TIAM2: variants seen among roughly 807,000 people sequenced by gnomAD.
The protein encoded by TIAM2 is TIAM Rac1 associated GEF 2, also known as rho guanine nucleotide exchange factor TIAM2.
A neutral mutation model predicts 152.9 loss-of-function variants in TIAM2; 80 were observed. The observed-to-expected ratio is 0.52, with a 90% CI of 0.44 to 0.63. The LOEUF (loss-of-function observed/expected upper bound fraction) is 0.63. TIAM2 is among the 30% of genes least tolerant of loss of function. The pLI is 0.00. For synonymous variants in TIAM2, 804 were observed against 838.0 expected (o/e 0.96, Z 0.70); for missense variants, 1,965 against 2,120.1 (o/e 0.93, Z 1.44).
rs560186158 is a variant in TIAM2 at position 155,163,459 on chromosome 6, G to T, written c.2029-956G>T. On this transcript the variant is annotated intron_variant, in intron 7 of 26. Transcript: ENST00000682666. ...AAAGGAGAGTGGCTCCCAGAGTTTG[G>T]CTGCATTTCTTTACCAACTCATGAC... Among the ~76,000 whole-genome samples, 102 of 152,292 alleles carry T rather than the reference G, an allele frequency of 6.7e-4. 1 individual carries two copies. In the South Asian group the frequency reaches 0.02, roughly 30 times the overall value.
intron 15 of TIAM2, among the ~76,000 whole-genome samples, chr6:155,217,644 A>G (rs1213757768): frequency 6.6e-6 from 1 of 152,132 alleles, no homozygotes; most frequent in East Asian, 1.9e-4. Flanking sequence ...GGCTTTGTGG[A>G]AGAATTTTAT....
chr6:155,164,433 A>G lies in TIAM2; in HGVS notation c.2047A>G (p.Asn683Asp). ...IENQIQQWEQ[N>D]LEKFHMDLFR... ...CTTTAAGATCCAGCAATGGGAGCAG[A>G]ATCTTGAGAAATTTCACATGGATCT... The change falls in exon 8 of 27, where the codon AAT becomes GAT. Residue 683 changes from asparagine (N) to aspartate (D), a missense_variant. Coordinates refer to ENST00000682666, the MANE Select transcript of TIAM2 (RefSeq NM_012454.4). 1 of 1,596,320 alleles carries G rather than the reference A, an allele frequency of 6.3e-7. No homozygotes were observed. Among genetic ancestry groups the G allele is most frequent in the Non-Finnish European group, 8.6e-7 (1 of 1,166,472 alleles).
At chr6:155,130,817 C>A (rs1037986456) in intron 4 of TIAM2, among the ~76,000 whole-genome samples, 1 of 152,140 alleles carries the variant, frequency 6.6e-6, no homozygotes, top group Non-Finnish European at 1.5e-5. Context: ...TGTCCTCATG[C>A]GGCAGAGAGA....
rs571362852 is a variant in TIAM2, at chr6:155,164,742, G to A, written c.2214+142G>A. On this transcript the variant is annotated intron_variant, in intron 8 of 26. Transcript: ENST00000682666. The stretch of plus-strand genomic sequence containing the variant: ...GAGGCCAGGTCACCCAGAGGCCAGG[G>A]GCCTGGAGATGAAGGAGACCAGACG... 131 of 1,024,146 alleles carry A rather than the reference G, an allele frequency of 1.3e-4. No homozygotes were observed. In the African/African-American group the frequency reaches 1.9e-3, roughly 15 times the overall value. 63.4% of individuals were successfully genotyped at this position (1,024,146 alleles called of 1,614,324 possible).
intron 1 of TIAM2, among the ~76,000 whole-genome samples, chr6:155,020,140 TC>T (rs1364818801): frequency 2.0e-5 from 3 of 152,278 alleles, no homozygotes; most frequent in African/African-American, 7.2e-5. Flanking sequence ...TATCATCACT[TC>T]CCGGCTGTGC....
intron 2 of TIAM2, among the ~76,000 whole-genome samples, chr6:155,092,524 A>G (rs1376780642): frequency 6.6e-6 from 1 of 152,154 alleles, no homozygotes; most frequent in Non-Finnish European, 1.5e-5. Flanking sequence ...CTGCTGTTTT[A>G]TTTAGTATAT....
At chr6:155,111,848 C>A (rs551816113) in intron 2 of TIAM2, among the ~76,000 whole-genome samples, 1 of 152,272 alleles carries the variant, frequency 6.6e-6, no homozygotes, top group African/African-American at 2.4e-5. Context: ...TTCCTCTCTG[C>A]TCCCCTTTAT....
At chr6:155,036,029 A>G (rs1246701259) in intron 1 of TIAM2, among the ~76,000 whole-genome samples, 1 of 152,198 alleles carries the variant, frequency 6.6e-6, no homozygotes, top group Non-Finnish European at 1.5e-5. Flanking sequence ...TTAAGCAAAG[A>G]AAGAAAAACC....
intron 1 of TIAM2, among the ~76,000 whole-genome samples, chr6:155,037,341 T>C (rs1451064825): frequency 2.0e-5 from 3 of 152,180 alleles, no homozygotes; most frequent in Non-Finnish European, 2.9e-5. Flanking sequence ...CCATCTTTCC[T>C]TTCCCTTGAG....
Position 155,257,017 on chromosome 6 carries a change from A to G in TIAM2, c.5002A>G (p.Ile1668Val). The G allele has an allele frequency of 1.2e-6, 2 of 1,614,198 alleles. No homozygotes were observed. The highest frequency in any genetic ancestry group is 1.7e-6 in the Non-Finnish European group (2 of 1,180,020). The change falls in exon 27 of 27, where the codon ATC (isoleucine) becomes GTC (valine). Residue 1668 changes from isoleucine to valine, a missense_variant. Physicochemically the swap from Ile to Val is conservative, Grantham distance 29. Around this residue, in one of 3 missense-constraint regions of TIAM2, gnomAD observed 935 missense variants for 980.0 expected, o/e 0.95. Coordinates refer to ENST00000682666, the MANE Select transcript of TIAM2 (RefSeq NM_012454.4). ...SLDSQSENATIDLNSVLEREF... is the reference protein window; with the variant it reads ...SLDSQSENATVDLNSVLEREF... ...TGACAGTCAGTCTGAAAATGCCACC[A>G]TCGACCTAAATTCTGTTCTAGAGCG...
intron 1 of TIAM2, among the ~76,000 whole-genome samples, chr6:155,054,147 T>G (rs1279960920): frequency 6.6e-6 from 1 of 152,170 alleles, no homozygotes; most frequent in Non-Finnish European, 1.5e-5. Context: ...CACTGCAGCC[T>G]TGGGTGACAG....
intron 15 of TIAM2, among the ~76,000 whole-genome samples, chr6:155,216,314 T>G (rs1781860459): frequency 6.6e-6 from 1 of 152,216 alleles, no homozygotes; most frequent in Non-Finnish European, 1.5e-5. Context: ...TAACTTCTTT[T>G]CAGATTAGAC....
chr6:155,054,975 T>C (rs752017269), intron 1 of TIAM2, among the ~76,000 whole-genome samples: 1 of 152,160 alleles, frequency 6.6e-6, no homozygotes, highest in Non-Finnish European at 1.5e-5. Flanking sequence ...TGTAATGTTA[T>C]TTTTCCTAGT....
At chr6:155,000,765 C>G (rs1183202547) in intron 1 of TIAM2, among the ~76,000 whole-genome samples, 1 of 152,180 alleles carries the variant, frequency 6.6e-6, no homozygotes, top group Non-Finnish European at 1.5e-5. Flanking sequence ...CTGGGGATCA[C>G]TTGAGGTTGG....
intron 16 of TIAM2, among the ~76,000 whole-genome samples, chr6:155,243,258 C>G (rs928853636): frequency 6.6e-6 from 1 of 152,094 alleles, no homozygotes; most frequent in Non-Finnish European, 1.5e-5. Context: ...TTGAAGGGCT[C>G]CCCAGAACTT....
rs553905519 is a variant in TIAM2 at position 155,123,126 on chromosome 6, T to C, written c.-117-4364T>C. ...CTTAGCTTCCCTCAGGGAGTATCCTTCCTGTCAATAAATTTCTCATAAATA... is the reference window on the plus strand; with the variant it reads ...CTTAGCTTCCCTCAGGGAGTATCCTCCCTGTCAATAAATTTCTCATAAATA... On this transcript the variant is annotated intron_variant, in intron 2 of 26. Transcript: ENST00000682666. 3.9e-5 allele frequency among the ~76,000 whole-genome samples: 6 copies of C among 152,172 alleles called. No individual in the cohort carries two copies. The East Asian group carries it at 9.7e-4, about 24-fold the overall frequency.
intron 26 of TIAM2, 84 bp downstream of exon 26, chr6:155,254,657 G>T (rs1027623550): frequency 2.7e-5 from 41 of 1,517,742 alleles, no homozygotes; most frequent in Middle Eastern, 1.8e-4. Flanking sequence ...ACATAGCTGT[G>T]ACTTTTCACT....
chr6:155,239,334 T>G (rs1782917050), intron 15 of TIAM2, among the ~76,000 whole-genome samples: 1 of 152,092 alleles, frequency 6.6e-6, no homozygotes, highest in African/African-American at 2.4e-5. Context: ...GCAGCAGAGG[T>G]GGGCCGAGTA....
At chr6:155,081,058 GT>G (rs1778052150) in intron 1 of TIAM2, among the ~76,000 whole-genome samples, 1 of 152,138 alleles carries the variant, frequency 6.6e-6, no homozygotes, top group African/African-American at 2.4e-5. Flanking sequence ...ATATTTCTTT[GT>G]TTAGTGAATC....
Sources: gnomAD v4.1 joint callset for allele counts (sites outside exome capture counted in the v4.1 genomes callset) on GRCh38, gnomAD v4.1.1 for gene constraint, gnomAD v4.1.1 regional missense constraint, MANE v1.5 for transcripts, NCBI Gene and HGNC (gene_info 2026-07-23, HGNC 2026-07-21) for gene names.